RMP64: variants seen among roughly 807,000 people sequenced by gnomAD.
RMP64 encodes the protein ribonuclease MRP subunit p64.
chr3:113,019,390 G>C, the RMP64 span: 4 of 638,338 alleles, frequency 6.3e-6, no homozygotes, highest in Non-Finnish European at 1.1e-5. Flanking sequence ...CCAGCAAAGT[G>C]CTGGGACCGC....
chr3:113,005,995 C>A, the RMP64 span: 1 of 1,605,312 alleles, frequency 6.2e-7, no homozygotes, highest in South Asian at 1.1e-5. Flanking sequence ...ACTCTAGTTT[C>A]TTTGGCAAAC....
the RMP64 span, chr3:113,008,278 C>G: frequency 1.2e-6 from 2 of 1,614,150 alleles, no homozygotes; most frequent in Non-Finnish European, 1.7e-6. Context: ...ATACAACTGC[C>G]ATCTGGATTT....
At chr3:113,005,599 ACT>A in the RMP64 span, 1 of 1,614,002 alleles carries the variant, frequency 6.2e-7, no homozygotes, top group South Asian at 1.1e-5. Context: ...TTCCTGATGT[ACT>A]GTTTTTATTT....
At chr3:113,012,851 A>C in the RMP64 span, 1 of 1,198,262 alleles carries the variant, frequency 8.3e-7, no homozygotes. Flanking sequence ...AATCAAAGTA[A>C]TGTGGGTTTT....
the RMP64 span, chr3:113,004,121 A>G: frequency 6.6e-6 from 1 of 152,364 alleles, no homozygotes. Context: ...ATTTTAAGGC[A>G]CTAAATGGAT....
chr3:113,006,069 A>C, the RMP64 span: 1 of 1,128,276 alleles, frequency 8.9e-7, no homozygotes, highest in Admixed American at 2.5e-5. Context: ...AAGCACTTTT[A>C]ATTTACCAAC....
chr3:113,008,319 C>T, the RMP64 span: 1 of 1,614,104 alleles, frequency 6.2e-7, no homozygotes, highest in South Asian at 1.1e-5. Flanking sequence ...GACTCAGCCT[C>T]TCGGAATCTT....
chr3:113,014,053 C>A, the RMP64 span: 16 of 1,517,956 alleles, frequency 1.1e-5, no homozygotes, highest in Non-Finnish European at 1.4e-5. Flanking sequence ...AAGAGCAGTT[C>A]AAATTCATGT....
the RMP64 span, among the ~76,000 whole-genome samples, chr3:113,010,237 T>G: frequency 6.6e-6 from 1 of 152,148 alleles, no homozygotes; most frequent in South Asian, 2.1e-4. Flanking sequence ...CACAACCCTA[T>G]GAGGCACATA....
chr3:113,017,326 A>G, the RMP64 span: 3 of 814,540 alleles, frequency 3.7e-6, no homozygotes, highest in African/African-American at 5.2e-5. Context: ...CTATAGGCCT[A>G]TAAAACACAA....
chr3:113,005,212 G>A, the RMP64 span: 6 of 310,546 alleles, frequency 1.9e-5, no homozygotes, highest in Non-Finnish European at 3.7e-5. Context: ...TTATTAAATT[G>A]CCTAGTAAGT....
At chr3:113,013,090 G>T in the RMP64 span, 2 of 656,344 alleles carry the variant, frequency 3.0e-6, no homozygotes, top group Non-Finnish European at 5.4e-6. Context: ...ACAGTGACAG[G>T]CAGTCTCTGG....
chr3:113,008,190 G>T, the RMP64 span: 19 of 1,614,070 alleles, frequency 1.2e-5, no homozygotes, highest in Non-Finnish European at 1.5e-5. Flanking sequence ...TGAGCTTCCA[G>T]ATGTTTAAGC....
At chr3:113,015,868 A>G in the RMP64 span, among the ~76,000 whole-genome samples, 2 of 152,044 alleles carry the variant, frequency 1.3e-5, no homozygotes, top group South Asian at 2.1e-4. Flanking sequence ...TTAAAAAAAA[A>G]AAAAAAAAAG....
At chr3:113,017,412 T>G in the RMP64 span, 2 of 1,568,040 alleles carry the variant, frequency 1.3e-6, no homozygotes, top group Non-Finnish European at 1.7e-6. Context: ...CATTTTCAAG[T>G]GAACAGGTTG....
At chr3:113,010,387 A>G in the RMP64 span, 1 of 459,990 alleles carries the variant, frequency 2.2e-6, no homozygotes, top group East Asian at 3.9e-5. Flanking sequence ...ATACTTAACA[A>G]CAGATCTTAC....
the RMP64 span, chr3:113,005,531 A>G: frequency 1.5e-5 from 23 of 1,562,322 alleles, no homozygotes; most frequent in South Asian, 1.3e-4. Context: ...CATATGAACG[A>G]ACATCTAAAC....
the RMP64 span, chr3:113,012,941 T>A: frequency 7.7e-6 from 5 of 648,666 alleles, no homozygotes; most frequent in Non-Finnish European, 1.4e-5. Flanking sequence ...TAAAACACAT[T>A]CTATTTAAGA....
the RMP64 span, among the ~76,000 whole-genome samples, chr3:113,010,149 G>C: frequency 6.6e-6 from 1 of 152,138 alleles, no homozygotes; most frequent in Non-Finnish European, 1.5e-5. Context: ...CAAAATGACC[G>C]TAGCTAATAA....
Sources: gnomAD v4.1 joint callset for allele counts (sites outside exome capture counted in the v4.1 genomes callset) on GRCh38, gnomAD v4.1.1 for gene constraint, MANE v1.5 for transcripts, NCBI Gene and HGNC (gene_info 2026-07-23, HGNC 2026-07-21) for gene names.